The following A1CF variants were observed in gnomAD, a reference collection of about 807,000 sequenced individuals.
A1CF encodes the protein APOBEC-1 stimulating protein.
A neutral mutation model predicts 68.9 loss-of-function variants in A1CF; 48 were observed. The ratio of observed to expected loss-of-function variants is 0.70; its 90% CI spans 0.55 to 0.89. The LOEUF is 0.89. Among genes scored for constraint, A1CF ranks in the 40% least tolerant of loss-of-function variants. A1CF has a pLI of 0.00. For missense variants in A1CF, 653 were observed against 718.9 expected (o/e 0.91, Z 1.05); for synonymous variants, 272 against 260.4 (o/e 1.04, Z -0.43).
chr10:50,849,950 T>C (rs1274166580), intron 3 of A1CF, among the ~76,000 whole-genome samples: 1 of 152,134 alleles, frequency 6.6e-6, no homozygotes, highest in Non-Finnish European at 1.5e-5. Flanking sequence ...CCTGCAACCA[T>C]GCCTGGCTAA....
Position 50,871,503 on chromosome 10 carries a change from T to C in A1CF, c.-93-7423A>G, listed in dbSNP as rs73328710. Among the ~76,000 whole-genome samples, 445 of 152,150 alleles carry C rather than the reference T, an allele frequency of 2.9e-3. 3 individuals are homozygous for C. The highest frequency in any genetic ancestry group is 0.01 in the African/African-American group (429 of 41,562). ...TCTGAAATTTGACAAATTGATTTCATAGTTCACCGGGCAGGAACAATGTGC... is the reference window on the plus strand; with the variant it reads ...TCTGAAATTTGACAAATTGATTTCACAGTTCACCGGGCAGGAACAATGTGC... On this transcript the variant is annotated intron_variant, in intron 1 of 12. Coordinates refer to ENST00000373997, the MANE Select transcript of A1CF (RefSeq NM_014576.4).
At chr10:50,844,169 C>A in intron 3 of A1CF, 47 bp from the exon 4 acceptor site, 1 of 1,584,644 alleles carries the variant, frequency 6.3e-7, no homozygotes, top group Non-Finnish European at 8.5e-7. Context: ...ATGATCAAGA[C>A]TTTAATTCAA....
rs1160884337 is a variant in A1CF at position 50,802,465 on chromosome 10, G to A, written c.*4264C>T. 6.6e-6 allele frequency: 1 copy of A among 152,082 alleles called. No individual in the cohort carries two copies. Among genetic ancestry groups the A allele is most frequent in the African/African-American group, 2.4e-5 (1 of 41,422 alleles). The allele number at this position is 152,082 out of a possible 1,614,324, so 9.4% of individuals were successfully genotyped here. A position where few individuals can be genotyped will look rare whatever the true frequency, so the allele number is the denominator to read the frequency against. On this transcript the variant is annotated 3_prime_UTR_variant, in exon 13 of 13. Transcript: ENST00000373997. ...ATCCAAAGTTTCCTTGTAGTGCTAT[G>A]TTAGAAACTTAGTTTTATCTTTAAC...
chr10:50,806,890 G>A lies in A1CF; in HGVS notation c.1610-10C>T, dbSNP rs753629290. 2.1e-5 allele frequency: 34 copies of A among 1,594,980 alleles called. No homozygotes were observed. Among genetic ancestry groups the A allele is most frequent in the Non-Finnish European group, 2.8e-5 (33 of 1,174,040 alleles). ...TTAGGGACAGCATATCCTGGAGGAA[G>A]AGGCAGAGAAAACTTGATGAAAGGA... is the stretch of plus-strand genomic sequence containing the variant. On this transcript the variant is annotated splice_polypyrimidine_tract_variant and intron_variant, in intron 12 of 12. Transcript: ENST00000373997.
intron 1 of A1CF, among the ~76,000 whole-genome samples, chr10:50,874,258 A>G (rs912779141): frequency 1.3e-5 from 2 of 151,946 alleles, no homozygotes; most frequent in East Asian, 1.9e-4. Context: ...GGAAAAAGTA[A>G]TTTCAAATAG....
intron 10 of A1CF, among the ~76,000 whole-genome samples, chr10:50,812,584 T>C (rs1002838915): frequency 2.0e-5 from 3 of 152,254 alleles, no homozygotes; most frequent in African/African-American, 7.2e-5. Context: ...AAAATATTTC[T>C]AAGTATTCCA....
chr10:50,842,958 C>T (rs762738107), intron 4 of A1CF, among the ~76,000 whole-genome samples: 1 of 152,174 alleles, frequency 6.6e-6, no homozygotes. Context: ...ATGTAATACT[C>T]CCTTCTACTC....
chr10:50,854,077 T>C (rs1365078188), intron 3 of A1CF, among the ~76,000 whole-genome samples: 4 of 152,012 alleles, frequency 2.6e-5, no homozygotes, highest in African/African-American at 9.7e-5. Context: ...ATGATTTTTT[T>C]CTTTTCTTTT....
chr10:50,850,943 A>T (rs958769255), intron 3 of A1CF: 49 of 943,860 alleles, frequency 5.2e-5, no homozygotes, highest in Middle Eastern at 3.2e-4. Flanking sequence ...TTTTGAATTA[A>T]CTATTATTAT....
At chr10:50,852,154 G>A (rs1344147230) in intron 3 of A1CF, among the ~76,000 whole-genome samples, 1 of 152,194 alleles carries the variant, frequency 6.6e-6, no homozygotes, top group Non-Finnish European at 1.5e-5. Context: ...AATAGAAAAA[G>A]TCTGTGCTTC....
intron 10 of A1CF, 88 bp downstream of exon 10, chr10:50,813,769 G>A (rs112303942): frequency 7.2e-7 from 1 of 1,395,764 alleles, no homozygotes; most frequent in African/African-American, 1.4e-5. Context: ...CATAGCTTGA[G>A]TAGGGATCAA....
chr10:50,833,643 C>T (rs1180790669), intron 6 of A1CF, among the ~76,000 whole-genome samples: 1 of 152,166 alleles, frequency 6.6e-6, no homozygotes, highest in African/African-American at 2.4e-5. Context: ...CAACAGTCTC[C>T]TTGTTCTTTT....
intron 10 of A1CF, 107 bp from the exon 11 acceptor site, chr10:50,811,283 AAG>A: frequency 9.0e-7 from 1 of 1,110,704 alleles, no homozygotes; most frequent in Non-Finnish European, 1.2e-6. Context: ...CTAGTATCTG[AAG>A]ACATAAAATG....
At chr10:50,847,633 G>C (rs1274221528) in intron 3 of A1CF, among the ~76,000 whole-genome samples, 1 of 151,988 alleles carries the variant, frequency 6.6e-6, no homozygotes, top group Admixed American at 6.6e-5. Context: ...GGGGAATCTG[G>C]GCAAAAATTG....
chr10:50,810,008 CA>C lies in A1CF; in HGVS notation c.1494del (p.Phe498LeufsTer59). The C allele has an allele frequency of 6.2e-7, 1 of 1,613,954 alleles. No individual in the cohort carries two copies. Among genetic ancestry groups the C allele is most frequent in the Non-Finnish European group, 8.5e-7 (1 of 1,179,916 alleles). Reference sequence around the variant, plus strand: ...GCTGCATACGTCTTTGCTTCATCCACAAAGGCACTCAGCTTTGGAGGTGTGA... The same window carrying C: ...GCTGCATACGTCTTTGCTTCATCCACAAGGCACTCAGCTTTGGAGGTGTGA... ...HPFTPPKLSA[F>X]VDEAKTYAAE... On this transcript the variant is annotated frameshift_variant, in exon 12 of 13. Coordinates refer to ENST00000373997, the MANE Select transcript of A1CF (RefSeq NM_014576.4). LOFTEE classifies it high-confidence loss of function.
chr10:50,846,871 C>G (rs1016349288), intron 3 of A1CF, among the ~76,000 whole-genome samples: 1 of 152,012 alleles, frequency 6.6e-6, no homozygotes, highest in African/African-American at 2.4e-5. Flanking sequence ...TTCAGGGATG[C>G]CCTGTAGTTC....
chr10:50,884,879 A>C (rs187609488), intron 1 of A1CF, among the ~76,000 whole-genome samples: 17 of 152,102 alleles, frequency 1.1e-4, no homozygotes, highest in Non-Finnish European at 1.8e-4. Flanking sequence ...GGAGTACACA[A>C]AAAAAATATG....
intron 8 of A1CF, among the ~76,000 whole-genome samples, chr10:50,817,268 C>G (rs986983893): frequency 6.6e-6 from 1 of 152,144 alleles, no homozygotes; most frequent in Non-Finnish European, 1.5e-5. Flanking sequence ...TGAAGATCCT[C>G]TGTTTTATAT....
intron 7 of A1CF, among the ~76,000 whole-genome samples, chr10:50,825,986 A>T (rs750570872): frequency 2.0e-5 from 3 of 152,102 alleles, no homozygotes; most frequent in Non-Finnish European, 4.4e-5. Flanking sequence ...GCTGCTAAAC[A>T]TCCTACAATC....
Sources: gnomAD v4.1 joint callset for allele counts (sites outside exome capture counted in the v4.1 genomes callset) on GRCh38, gnomAD v4.1.1 for gene constraint, MANE v1.5 for transcripts, NCBI Gene and HGNC (gene_info 2026-07-23, HGNC 2026-07-21) for gene names.